The following EMCN variants were observed in gnomAD, a reference collection of about 807,000 sequenced individuals.
EMCN encodes MUC-14.
In EMCN, 37 loss-of-function variants were observed where a neutral mutation model predicts 38.4. The ratio of observed to expected loss-of-function variants is 0.96; its 90% CI spans 0.74 to 1.27. The LOEUF is 1.27. Among genes scored for constraint, EMCN ranks in the 50% most tolerant of loss-of-function variants. EMCN has a pLI of 0.00. For missense variants in EMCN, 318 were observed against 302.8 expected, an observed-to-expected ratio of 1.05 and a Z score of -0.37; for synonymous variants, 95 against 100.8, an observed-to-expected ratio of 0.94 and a Z score of 0.35.
chr4:100,433,913 G>A (rs1455515082), intron 5 of EMCN, among the ~76,000 whole-genome samples: 1 of 151,992 alleles, frequency 6.6e-6, no homozygotes, highest in East Asian at 1.9e-4. Flanking sequence ...TCCCCTGGCT[G>A]ATAAAAGCTG....
At chr4:100,422,263 G>T (rs1052568383) in intron 7 of EMCN, among the ~76,000 whole-genome samples, 2 of 152,050 alleles carry the variant, frequency 1.3e-5, no homozygotes, top group Non-Finnish European at 2.9e-5. Context: ...AAGTTCTGCT[G>T]ATTTCATAAT....
At chr4:100,484,855 A>G (rs1728898898) in intron 1 of EMCN, among the ~76,000 whole-genome samples, 6 of 152,180 alleles carry the variant, frequency 3.9e-5, no homozygotes, top group Admixed American at 2.6e-4. Flanking sequence ...TCATAGCACC[A>G]ATTAGTAAAA....
chr4:100,447,914 C>T (rs749721645), intron 4 of EMCN, among the ~76,000 whole-genome samples: 24 of 152,054 alleles, frequency 1.6e-4, no homozygotes, highest in Non-Finnish European at 3.4e-4. Flanking sequence ...ACTTTATTTT[C>T]AAAAAGTCAG....
intron 1 of EMCN, among the ~76,000 whole-genome samples, chr4:100,490,920 C>T (rs1416852904): frequency 6.6e-6 from 1 of 152,138 alleles, no homozygotes; most frequent in East Asian, 1.9e-4. Flanking sequence ...AGATTAACGA[C>T]ATTGAGCATT....
chr4:100,474,961 A>G (rs1728594267), intron 3 of EMCN, 77 bp downstream of exon 3: 1 of 657,748 alleles, frequency 1.5e-6, no homozygotes, highest in African/African-American at 1.9e-5. Context: ...TCTGAATTGT[A>G]CACTTTAAAA....
At chr4:100,419,107 C>A (rs920434896) in intron 8 of EMCN, among the ~76,000 whole-genome samples, 1 of 151,818 alleles carries the variant, frequency 6.6e-6, no homozygotes, top group Non-Finnish European at 1.5e-5. Context: ...GAAACTATAG[C>A]GATAGTCTCA....
At chr4:100,451,306 G>A (rs1034455205) in intron 4 of EMCN, among the ~76,000 whole-genome samples, 3 of 151,806 alleles carry the variant, frequency 2.0e-5, no homozygotes, top group African/African-American at 2.4e-5. Flanking sequence ...TCATGAAGTT[G>A]TGGGAAATAT....
chr4:100,403,785 A>G (rs1412660009), intron 11 of EMCN, among the ~76,000 whole-genome samples: 1 of 152,062 alleles, frequency 6.6e-6, no homozygotes, highest in Non-Finnish European at 1.5e-5. Context: ...ATGAGACAGC[A>G]TCTCATTATG....
chr4:100,448,826 C>CCTTCTTTCCTT lies in EMCN; in HGVS notation c.377-1256_377-1255insAAGGAAAGAAG, dbSNP rs1179151604. Among the ~76,000 whole-genome samples, 1,253 of 139,336 alleles carry CCTTCTTTCCTT rather than the reference C, an allele frequency of 9.0e-3. 56 individuals are homozygous for CCTTCTTTCCTT. The highest frequency in any genetic ancestry group is 0.033 in the African/African-American group (1,178 of 35,762). The allele number at this position is 139,336 out of a possible 152,430, so 91.4% of individuals were successfully genotyped here. ...TTCCTTCCTTCCTTCCTTCCTTCCTCCCTCCCTCCCTCCCTCCCTTCCTTG... is the reference window on the plus strand; with the variant it reads ...TTCCTTCCTTCCTTCCTTCCTTCCTCCTTCTTTCCTTCCTCCCTCCCTCCCTCCCTTCCTTG... On this transcript the variant is annotated intron_variant, in intron 4 of 11. Transcript: ENST00000296420.
chr4:100,473,118 G>A (rs1236038225), intron 3 of EMCN, among the ~76,000 whole-genome samples: 5 of 148,866 alleles, frequency 3.4e-5, no homozygotes, highest in Non-Finnish European at 5.9e-5. Flanking sequence ...GGATCCAAGC[G>A]ATTCTCCTGC....
At chr4:100,399,139 A>G (rs1726187798) in intron 11 of EMCN, among the ~76,000 whole-genome samples, 1 of 152,334 alleles carries the variant, frequency 6.6e-6, no homozygotes, top group South Asian at 2.1e-4. Context: ...TAGGAAAGGT[A>G]GCCAAGCCTT....
At chr4:100,449,454 T>A (rs1373328908) in intron 4 of EMCN, among the ~76,000 whole-genome samples, 1 of 152,132 alleles carries the variant, frequency 6.6e-6, no homozygotes, top group African/African-American at 2.4e-5. Context: ...TCCACTAAAC[T>A]GTTCCAAATA....
At chr4:100,467,613 C>T (rs1435524294) in intron 3 of EMCN, among the ~76,000 whole-genome samples, 3 of 140,398 alleles carry the variant, frequency 2.1e-5, no homozygotes, top group Admixed American at 7.8e-5. Flanking sequence ...ACCCAAGAGG[C>T]GGAGCTTGCA....
intron 1 of EMCN, among the ~76,000 whole-genome samples, chr4:100,484,287 G>A (rs368673774): frequency 6.6e-6 from 1 of 152,104 alleles, no homozygotes; most frequent in South Asian, 2.1e-4. Context: ...TTATCTTTGA[G>A]AATTCAGCTT....
At chr4:100,498,060 G>C (rs561692034) in intron 1 of EMCN, among the ~76,000 whole-genome samples, 2 of 152,112 alleles carry the variant, frequency 1.3e-5, no homozygotes, top group African/African-American at 4.8e-5. Flanking sequence ...CAGGAATTCA[G>C]TTTTTGTGAA....
At chr4:100,463,979 A>G (rs1447571030) in intron 4 of EMCN, among the ~76,000 whole-genome samples, 1 of 152,126 alleles carries the variant, frequency 6.6e-6, no homozygotes, top group Non-Finnish European at 1.5e-5. Flanking sequence ...TGCATTAAAT[A>G]TATTAATCAA....
intron 1 of EMCN, among the ~76,000 whole-genome samples, chr4:100,488,417 T>G (rs541838018): frequency 1.7e-4 from 26 of 152,306 alleles, no homozygotes; most frequent in Admixed American, 1.0e-3. Flanking sequence ...CTGGATTAAA[T>G]GTATTTCCCT....
intron 4 of EMCN, among the ~76,000 whole-genome samples, chr4:100,450,546 A>G (rs1166828909): frequency 6.6e-6 from 1 of 151,918 alleles, no homozygotes; most frequent in Non-Finnish European, 1.5e-5. Context: ...ATAATTATCT[A>G]CTGATTTGCT....
intron 4 of EMCN, among the ~76,000 whole-genome samples, chr4:100,465,053 A>T (rs1728277218): frequency 6.6e-6 from 1 of 152,080 alleles, no homozygotes; most frequent in South Asian, 2.1e-4. Context: ...TTCTTTAATC[A>T]TTATAGGTTT....
Sources: gnomAD v4.1 joint callset for allele counts (sites outside exome capture counted in the v4.1 genomes callset) on GRCh38, gnomAD v4.1.1 for gene constraint, MANE v1.5 for transcripts, NCBI Gene and HGNC (gene_info 2026-07-23, HGNC 2026-07-21) for gene names.